CMC1: variants seen among roughly 807,000 people sequenced by gnomAD.
CMC1 encodes the protein COX assembly mitochondrial protein homolog.
Under a neutral mutation model 14.1 loss-of-function variants are expected in CMC1, and 14 were observed. That is an observed-to-expected ratio of 0.99 (90% confidence interval 0.66 to 1.55). CMC1 has a LOEUF of 1.55. Ranked by LOEUF, CMC1 falls within the 40% of genes most tolerant of loss-of-function variation. The pLI is 0.00. For synonymous variants in CMC1, 50 were observed against 38.4 expected (o/e 1.30, Z -1.12); for missense variants, 127 against 123.8 (o/e 1.03, Z -0.12).
intron 2 of CMC1, among the ~76,000 whole-genome samples, chr3:28,272,873 G>T (rs995554755): frequency 2.6e-5 from 4 of 151,930 alleles, no homozygotes; most frequent in African/African-American, 9.7e-5. Flanking sequence ...TTTTAGTAGA[G>T]ATGGGGTTTC....
At chr3:28,259,434 C>T (rs573378715) in intron 1 of CMC1, among the ~76,000 whole-genome samples, 53 of 151,992 alleles carry the variant, frequency 3.5e-4, no homozygotes, top group African/African-American at 1.3e-3. Context: ...AAAAAAGGGT[C>T]CTTTTAGGGC....
chr3:28,245,859 T>G (rs1698798485), intron 1 of CMC1, among the ~76,000 whole-genome samples: 1 of 152,166 alleles, frequency 6.6e-6, no homozygotes, highest in Non-Finnish European at 1.5e-5. Flanking sequence ...ACTAGAAAAT[T>G]TTAAGTTAGA....
chr3:28,280,679 T>G (rs1700840387), intron 2 of CMC1, among the ~76,000 whole-genome samples: 1 of 152,224 alleles, frequency 6.6e-6, no homozygotes, highest in African/African-American at 2.4e-5. Flanking sequence ...CATAAGGATG[T>G]TCAACATAGC....
rs141697188 is a variant in CMC1, at chr3:28,309,470, C to T, written c.110-6863C>T. Among the ~76,000 whole-genome samples, 66 of 152,084 alleles carry T rather than the reference C, an allele frequency of 4.3e-4. 1 individual carries two copies. The highest frequency in any genetic ancestry group is 1.4e-3 in the African/African-American group (60 of 41,502). On this transcript the variant is annotated intron_variant, in intron 2 of 3. Coordinates refer to ENST00000466830, the MANE Select transcript of CMC1 (RefSeq NM_182523.2). ...CCCAGCAAGAAAATTAGGGGTTATC[C>T]TTGACTCGTCCTTCTATTACACTCA...
At chr3:28,300,548 T>A (rs549843963) in intron 2 of CMC1, among the ~76,000 whole-genome samples, 16 of 152,054 alleles carry the variant, frequency 1.1e-4, no homozygotes, top group African/African-American at 3.9e-4. Flanking sequence ...TTCTCTTATA[T>A]AGACCCCACT....
At chr3:28,268,994 A>G (rs1037236426) in intron 2 of CMC1, among the ~76,000 whole-genome samples, 1 of 152,228 alleles carries the variant, frequency 6.6e-6, no homozygotes, top group African/African-American at 2.4e-5. Context: ...TATTTATAGT[A>G]CAATAAGATA....
chr3:28,249,694 G>A (rs1363369213), intron 1 of CMC1, among the ~76,000 whole-genome samples: 1 of 152,196 alleles, frequency 6.6e-6, no homozygotes, highest in East Asian at 1.9e-4. Flanking sequence ...AGCCAGGGTT[G>A]AGAGCTTCTG....
At chr3:28,299,986 A>G (rs1358737033) in intron 2 of CMC1, among the ~76,000 whole-genome samples, 1 of 152,206 alleles carries the variant, frequency 6.6e-6, no homozygotes, top group African/African-American at 2.4e-5. Flanking sequence ...AATTCTTTAA[A>G]TAAACTGCAG....
At chr3:28,301,091 G>T (rs1434780327) in intron 2 of CMC1, among the ~76,000 whole-genome samples, 1 of 151,932 alleles carries the variant, frequency 6.6e-6, no homozygotes, top group Non-Finnish European at 1.5e-5. Flanking sequence ...ATGTTACTGT[G>T]ATAGATTTGA....
chr3:28,307,936 T>C (rs527520775), intron 2 of CMC1, among the ~76,000 whole-genome samples: 1 of 152,252 alleles, frequency 6.6e-6, no homozygotes, highest in South Asian at 2.1e-4. Context: ...AAGATGCAAG[T>C]ATTCTCTTTT....
At chr3:28,318,561 C>A (rs1703050962) in intron 3 of CMC1, 1 of 151,942 alleles carries the variant, frequency 6.6e-6, no homozygotes. Context: ...ACATTTGTTT[C>A]TTTGTTCAAG....
chr3:28,306,682 T>C (rs1702331289), intron 2 of CMC1, among the ~76,000 whole-genome samples: 1 of 151,734 alleles, frequency 6.6e-6, no homozygotes. Flanking sequence ...CTTGCTCTTG[T>C]CACCCAGGCT....
chr3:28,294,127 T>C (rs1449381045), intron 2 of CMC1, among the ~76,000 whole-genome samples: 1 of 152,182 alleles, frequency 6.6e-6, no homozygotes, highest in Non-Finnish European at 1.5e-5. Flanking sequence ...GAAAGTGCTG[T>C]AACAGGATCA....
At chr3:28,272,799 C>G (rs1700364739) in intron 2 of CMC1, among the ~76,000 whole-genome samples, 1 of 152,088 alleles carries the variant, frequency 6.6e-6, no homozygotes, top group South Asian at 2.1e-4. Flanking sequence ...TTATCCTTGC[C>G]TAAGCCTCCC....
intron 2 of CMC1, among the ~76,000 whole-genome samples, chr3:28,285,897 G>A (rs771586926): frequency 6.6e-6 from 1 of 151,840 alleles, no homozygotes; most frequent in Non-Finnish European, 1.5e-5. Context: ...CTCCCGAGTA[G>A]CTGGGACTAC....
intron 1 of CMC1, among the ~76,000 whole-genome samples, chr3:28,262,757 C>T (rs1699797139): frequency 6.6e-6 from 1 of 152,058 alleles, no homozygotes; most frequent in Non-Finnish European, 1.5e-5. Context: ...GTTCAATTTG[C>T]CATTTTAGTC....
chr3:28,265,888 C>T (rs1204598519), intron 2 of CMC1, among the ~76,000 whole-genome samples: 2 of 152,104 alleles, frequency 1.3e-5, no homozygotes, highest in African/African-American at 4.8e-5. Context: ...CTTTTGAGCA[C>T]AGACACTTGG....
intron 1 of CMC1, among the ~76,000 whole-genome samples, chr3:28,261,212 A>G (rs1371173421): frequency 1.3e-5 from 2 of 151,866 alleles, no homozygotes; most frequent in African/African-American, 2.4e-5. Flanking sequence ...TCTCTGTTAC[A>G]TCTTGTGAGA....
intron 2 of CMC1, among the ~76,000 whole-genome samples, chr3:28,293,455 G>A (rs1701584612): frequency 6.6e-6 from 1 of 152,260 alleles, no homozygotes; most frequent in Non-Finnish European, 1.5e-5. Flanking sequence ...GTAAGAAACA[G>A]TGAACCAGGA....
Sources: allele counts gnomAD v4.1 joint callset (sites outside exome capture counted in the v4.1 genomes callset), GRCh38; gene constraint gnomAD v4.1.1; transcripts MANE v1.5; gene names NCBI Gene and HGNC (gene_info 2026-07-23, HGNC 2026-07-21).